Variants in NUP58 observed in about 807,000 individuals in gnomAD.
The protein encoded by NUP58 is nucleoporin 58, also known as nucleoporin p58/p45.
A neutral mutation model predicts 70.1 loss-of-function variants in NUP58; 17 were observed. The ratio of observed to expected loss-of-function variants is 0.24; its 90% CI spans 0.17 to 0.36. The LOEUF is 0.36. Ranked by LOEUF, NUP58 falls within the 10% of genes least tolerant of loss-of-function variation. The pLI is 1.00. For missense variants in NUP58, 644 were observed against 701.5 expected (o/e 0.92, Z 0.93); for synonymous variants, 275 against 257.6 (o/e 1.07, Z -0.65).
At chr13:25,323,516 AAG>A (rs2031274208) in intron 9 of NUP58, among the ~76,000 whole-genome samples, 1 of 152,180 alleles carries the variant, frequency 6.6e-6, no homozygotes, top group Admixed American at 6.5e-5. Context: ...ATACTCTACT[AAG>A]AGTCTAGTGA....
chr13:25,309,242 C>G lies in NUP58; in HGVS notation c.251-5C>G, dbSNP rs753724168. 1 of 1,601,464 alleles carries G rather than the reference C, an allele frequency of 6.2e-7. No homozygotes were observed. The highest frequency in any genetic ancestry group is 8.6e-7 in the Non-Finnish European group (1 of 1,169,462). On this transcript the variant is annotated splice_region_variant and splice_polypyrimidine_tract_variant and intron_variant, in intron 2 of 15. Coordinates refer to ENST00000381736, the MANE Select transcript of NUP58 (RefSeq NM_014089.4). ...ATTAAATTTTATTTCTCTTTTTGTC[C>G]CCAGGAATAGCAACAACTATAACTA...
chr13:25,308,141 T>C lies in NUP58; in HGVS notation c.250+193T>C, dbSNP rs2030468139. The C allele has an allele frequency of 1.0e-5, 5 of 493,572 alleles. No homozygotes were observed. The Admixed American group carries it at 1.1e-4, about 11-fold the overall frequency. The allele number at this position is 493,572 out of a possible 1,614,324, so 30.6% of individuals were successfully genotyped here. On this transcript the variant is annotated intron_variant, in intron 2 of 15. Transcript: ENST00000381736. ...GGCCCAATCATTGACTGTCATCTAC[T>C]CTGATATAACGAAGGAAAACATACA... is the stretch of plus-strand genomic sequence containing the variant.
Position 25,331,555 on chromosome 13 carries a change from A to G in NUP58, c.1432A>G (p.Thr478Ala), listed in dbSNP as rs2031607601. Residue 478 changes from threonine (T) to alanine (A), a missense_variant, in exon 13 of 16, where the codon ACA (threonine) becomes GCA (alanine). Thr to Ala is a moderately conservative substitution (Grantham distance 58, BLOSUM62 0). Coordinates refer to ENST00000381736, the MANE Select transcript of NUP58 (RefSeq NM_014089.4). The part of the protein sequence containing the change: ...ATLTQQQQPA[T>A]GPQPSLGVSF... ...ACTTACACAGCAGCAACAGCCTGCT[A>G]CAGGTCTGAACGCATTCAAGTTATA... 1 of 1,613,666 alleles carries G rather than the reference A, an allele frequency of 6.2e-7. No homozygotes were observed. Among genetic ancestry groups the G allele is most frequent in the Non-Finnish European group, 8.5e-7 (1 of 1,179,792 alleles).
At chr13:25,331,601 A>C (rs769832019) in intron 13 of NUP58, 43 bp downstream of exon 13, 3 of 1,588,312 alleles carry the variant, frequency 1.9e-6, no homozygotes. Flanking sequence ...GTTCCAATGC[A>C]GAACATTTAT....
chr13:25,332,584 G>A lies in NUP58; in HGVS notation c.1435+1026G>A, dbSNP rs987002629. 23 of 985,294 alleles carry A rather than the reference G, an allele frequency of 2.3e-5. No homozygotes were observed. The African/African-American group carries it at 3.8e-4, about 16-fold the overall frequency. The allele number at this position is 985,294 out of a possible 1,614,324, so 61.0% of individuals were successfully genotyped here. A position where few individuals can be genotyped will look rare whatever the true frequency, so the allele number is the denominator to read the frequency against. ...GATTGCATTCAAGCTACCTATACTAGGGAAGCATTCTCTGGTTTTCACTAT... is the reference window on the plus strand; with the variant it reads ...GATTGCATTCAAGCTACCTATACTAAGGAAGCATTCTCTGGTTTTCACTAT... On this transcript the variant is annotated intron_variant, in intron 13 of 15. Transcript: ENST00000381736.
chr13:25,336,736 T>A (rs1050784785), intron 13 of NUP58, among the ~76,000 whole-genome samples, 200 bp from the exon 14 acceptor site: 2 of 152,148 alleles, frequency 1.3e-5, no homozygotes, highest in African/African-American at 2.4e-5. Flanking sequence ...AATCTTTTTT[T>A]AATTTTTAGA....
At position 25,341,366 on chromosome 13, in the gene NUP58, T is replaced by A. The variant is rs1225494379; in HGVS notation, c.*1232T>A. Reference sequence around the variant, plus strand: ...GCAAAGAGCTATTAGCCAAACTGATTCTATGCAGGTGAAGGATGCACTAAA... The same window carrying A: ...GCAAAGAGCTATTAGCCAAACTGATACTATGCAGGTGAAGGATGCACTAAA... On this transcript the variant is annotated 3_prime_UTR_variant, in exon 16 of 16. Transcript: ENST00000381736. The A allele has an allele frequency of 6.6e-6, 1 of 152,548 alleles. No homozygotes were observed. The highest frequency in any genetic ancestry group is 2.4e-5 in the African/African-American group (1 of 41,426). 9.4% of individuals were successfully genotyped at this position (152,548 alleles called of 1,614,324 possible).
At chr13:25,309,069 G>C (rs1400141719) in intron 2 of NUP58, among the ~76,000 whole-genome samples, 178 bp from the exon 3 acceptor site, 1 of 152,004 alleles carries the variant, frequency 6.6e-6, no homozygotes, top group Non-Finnish European at 1.5e-5. Flanking sequence ...CTTGTAATAT[G>C]AAAACCAGTG....
rs535946297 is a variant in NUP58 at position 25,324,925 on chromosome 13, C to T, written c.952-64C>T. ...CAGAGACTGAATATTTTTTTTCGTACGGTATTTTTAACATAACTCTTAACT... is the reference window on the plus strand; with the variant it reads ...CAGAGACTGAATATTTTTTTTCGTATGGTATTTTTAACATAACTCTTAACT... On this transcript the variant is annotated intron_variant, in intron 9 of 15. Coordinates refer to ENST00000381736, the MANE Select transcript of NUP58 (RefSeq NM_014089.4). The T allele has an allele frequency of 3.8e-4, 399 of 1,041,924 alleles. 2 individuals carry two copies. The African/African-American group carries it at 5.6e-3, about 15-fold the overall frequency. 64.5% of individuals were successfully genotyped at this position (1,041,924 alleles called of 1,614,324 possible). A position where few individuals can be genotyped will look rare whatever the true frequency, so the allele number is the denominator to read the frequency against.
At chr13:25,304,490 A>G (rs1298434417) in intron 1 of NUP58, among the ~76,000 whole-genome samples, 12 of 87,594 alleles carry the variant, frequency 1.4e-4, no homozygotes, top group Middle Eastern at 5.3e-3. Flanking sequence ...ATATATATAT[A>G]TATATATATA....
At chr13:25,322,981 C>A (rs1052617995) in intron 9 of NUP58, among the ~76,000 whole-genome samples, 2 of 151,950 alleles carry the variant, frequency 1.3e-5, no homozygotes, top group African/African-American at 4.8e-5. Flanking sequence ...GAGGCAAACT[C>A]GAAAGAAAGA....
intron 6 of NUP58, among the ~76,000 whole-genome samples, chr13:25,318,759 G>T (rs928994794): frequency 6.6e-6 from 1 of 152,174 alleles, no homozygotes; most frequent in Non-Finnish European, 1.5e-5. Context: ...TGTTGTGAGG[G>T]TGTGATAAGG....
intron 13 of NUP58, chr13:25,332,520 G>A: frequency 2.1e-6 from 2 of 958,540 alleles, no homozygotes; most frequent in Non-Finnish European, 1.2e-6. Context: ...TAGTCCAGTA[G>A]TACATTATAA....
intron 15 of NUP58, 129 bp downstream of exon 15, chr13:25,338,860 A>G: frequency 1.5e-6 from 1 of 680,330 alleles, no homozygotes; most frequent in Admixed American, 2.5e-5. Context: ...CCCTGGATGA[A>G]GTGTGCAAGC....
Position 25,335,107 on chromosome 13 carries a change from T to C in NUP58, c.1436-1829T>C, listed in dbSNP as rs1000129962. ...GAGTTTTTACTATTAAAAAATGTTATACATTTGCCTACGAGTTTTATAAAT... is the reference window on the plus strand; with the variant it reads ...GAGTTTTTACTATTAAAAAATGTTACACATTTGCCTACGAGTTTTATAAAT... On this transcript the variant is annotated intron_variant, in intron 13 of 15. Transcript: ENST00000381736. 6 of 985,222 alleles carry C rather than the reference T, an allele frequency of 6.1e-6. No homozygotes were observed. In the East Asian group the frequency reaches 4.5e-4, roughly 75 times the overall value. The allele number at this position is 985,222 out of a possible 1,614,324, so 61.0% of individuals were successfully genotyped here.
chr13:25,330,741 G>A (rs2031572182), intron 12 of NUP58, among the ~76,000 whole-genome samples: 1 of 152,062 alleles, frequency 6.6e-6, no homozygotes, highest in South Asian at 2.1e-4. Context: ...TGAGGCGGGT[G>A]GTTGGGTTCA....
chr13:25,327,326 C>T (rs1289545324), intron 11 of NUP58, 104 bp from the exon 12 acceptor site: 2 of 653,930 alleles, frequency 3.1e-6, no homozygotes, highest in Non-Finnish European at 5.2e-6. Context: ...GTTTTTTTCT[C>T]CTACACGTTA....
intron 1 of NUP58, among the ~76,000 whole-genome samples, chr13:25,306,925 G>A (rs891480808): frequency 1.3e-5 from 2 of 151,952 alleles, no homozygotes; most frequent in African/African-American, 2.4e-5. Context: ...TTTGCTTTGC[G>A]TTTAACTTTT....
chr13:25,323,080 A>G (rs2031252763), intron 9 of NUP58, among the ~76,000 whole-genome samples: 1 of 152,220 alleles, frequency 6.6e-6, no homozygotes, highest in Admixed American at 6.5e-5. Flanking sequence ...TATAATGGGC[A>G]CATTAATAGT....
Sources: gnomAD v4.1 joint callset for allele counts (sites outside exome capture counted in the v4.1 genomes callset) on GRCh38, gnomAD v4.1.1 for gene constraint, MANE v1.5 for transcripts, NCBI Gene and HGNC (gene_info 2026-07-23, HGNC 2026-07-21) for gene names.